Variants in DAPP1 observed in about 807,000 individuals in gnomAD.
DAPP1 encodes dual adaptor of phosphotyrosine and 3-phosphoinositides 1, also known as dual adapter for phosphotyrosine and 3-phosphotyrosine and 3-phosphoinositide.
In DAPP1, 20 loss-of-function variants were observed where a neutral mutation model predicts 41.5. The observed-to-expected ratio is 0.48, with a 90% CI of 0.34 to 0.70. DAPP1 has a LOEUF of 0.70. Among genes scored for constraint, DAPP1 ranks in the 30% least tolerant of loss-of-function variants. DAPP1 has a pLI of 0.01. For synonymous variants in DAPP1, 113 were observed against 116.2 expected (o/e 0.97, Z 0.18); for missense variants, 233 against 333.4 (o/e 0.70, Z 2.35).
intron 7 of DAPP1, chr4:99,865,831 T>G (rs1724402679): frequency 6.7e-6 from 1 of 148,398 alleles, no homozygotes; most frequent in Admixed American, 6.9e-5. Flanking sequence ...ATACCAGCAC[T>G]TCAAGGTACT....
intron 3 of DAPP1, among the ~76,000 whole-genome samples, chr4:99,850,991 T>G (rs555678865): frequency 6.6e-6 from 1 of 152,328 alleles, no homozygotes; most frequent in East Asian, 1.9e-4. Flanking sequence ...CCTGTTCCTC[T>G]GCCTGTGCAT....
intron 3 of DAPP1, 28 bp from the exon 4 acceptor site, chr4:99,853,190 C>T (rs372503686): frequency 1.8e-4 from 289 of 1,612,002 alleles, no homozygotes; most frequent in Non-Finnish European, 2.3e-4. Context: ...GAACACTGTT[C>T]GATTATATAT....
chr4:99,860,987 T>G (rs750074812), intron 4 of DAPP1, among the ~76,000 whole-genome samples: 1 of 152,224 alleles, frequency 6.6e-6, no homozygotes, highest in Non-Finnish European at 1.5e-5. Flanking sequence ...TATTTCAGAT[T>G]CATTTTGGGT....
chr4:99,830,154 C>T (rs1264919165), intron 1 of DAPP1, among the ~76,000 whole-genome samples: 1 of 152,028 alleles, frequency 6.6e-6, no homozygotes. Context: ...AGGCCAAGGC[C>T]GGGAGATGAC....
chr4:99,827,532 C>CAAAAA (rs1400029314), intron 1 of DAPP1, among the ~76,000 whole-genome samples: 2 of 119,002 alleles, frequency 1.7e-5, no homozygotes, highest in Non-Finnish European at 3.4e-5. Flanking sequence ...GACTACGTCT[C>CAAAAA]AAAAAAAAAA....
chr4:99,852,656 A>G (rs761521437), intron 3 of DAPP1, among the ~76,000 whole-genome samples: 4 of 152,244 alleles, frequency 2.6e-5, no homozygotes, highest in South Asian at 4.1e-4. Flanking sequence ...GGGTAGTATC[A>G]GAGAGTAGGG....
chr4:99,865,696 G>A (rs1247350915), intron 7 of DAPP1: 2 of 151,486 alleles, frequency 1.3e-5, no homozygotes, highest in Non-Finnish European at 2.9e-5. Context: ...ATCTAGGGGT[G>A]TCCTGAACAT....
intron 7 of DAPP1, chr4:99,865,045 C>T (rs1372340460): frequency 1.3e-5 from 2 of 152,104 alleles, no homozygotes; most frequent in Non-Finnish European, 2.9e-5. Context: ...TGACAGAAAC[C>T]AGTTTTCGAG....
chr4:99,861,673 A>C (rs530082678), intron 5 of DAPP1, 48 bp downstream of exon 5: 1 of 1,538,372 alleles, frequency 6.5e-7, no homozygotes, highest in Non-Finnish European at 8.8e-7. Context: ...AAAAGAGAAC[A>C]CGTCATGTAG....
chr4:99,830,925 T>C (rs1215006650), intron 1 of DAPP1, among the ~76,000 whole-genome samples: 5 of 152,244 alleles, frequency 3.3e-5, no homozygotes, highest in Non-Finnish European at 7.3e-5. Context: ...AGAAATTAGC[T>C]ATTTTCTTTT....
chr4:99,835,751 G>A lies in DAPP1; in HGVS notation c.224+6G>A. 6.2e-7 allele frequency: 1 copy of A among 1,613,612 alleles called. No individual in the cohort carries two copies. Among genetic ancestry groups the A allele is most frequent in the Non-Finnish European group, 8.5e-7 (1 of 1,179,694 alleles). ...CTGTACTCTCTCTCTGTGAGGTAAGGTGCTTCAGGGCTCTACGACTTCAGC... is the reference window on the plus strand; with the variant it reads ...CTGTACTCTCTCTCTGTGAGGTAAGATGCTTCAGGGCTCTACGACTTCAGC... On this transcript the variant is annotated splice_donor_region_variant and intron_variant, in intron 2 of 8. Coordinates refer to ENST00000512369, the MANE Select transcript of DAPP1 (RefSeq NM_014395.3).
At chr4:99,862,977 C>A in intron 5 of DAPP1, 33 bp from the exon 6 acceptor site, 1 of 1,505,168 alleles carries the variant, frequency 6.6e-7, no homozygotes, top group Non-Finnish European at 9.0e-7. Flanking sequence ...CTTTGTGTGT[C>A]TGTGTGTTTG....
rs1361155161 is a variant in DAPP1 at position 99,861,667 on chromosome 4, G to A, written c.537+42G>A. On this transcript the variant is annotated intron_variant, in intron 5 of 8. Transcript: ENST00000512369. ...TTGCTCATGCCAGCCACAGAAAAAA[G>A]AGAACACGTCATGTAGACTCAATTC... 7.1e-6 allele frequency: 11 copies of A among 1,550,180 alleles called. No individual in the cohort carries two copies. The East Asian group carries it at 2.6e-4, about 37-fold the overall frequency.
Position 99,823,629 on chromosome 4 carries a change from C to T in DAPP1, c.101+6615C>T, listed in dbSNP as rs567381594. On this transcript the variant is annotated intron_variant, in intron 1 of 8. Transcript: ENST00000512369. ...ATGGATATTTAGGTTGATCTAGATT[C>T]TGGAGGGCCTAAAATAGATTTGGTC... Among the ~76,000 whole-genome samples, 3 of 152,256 alleles carry T rather than the reference C, an allele frequency of 2.0e-5. No homozygotes were observed. The South Asian group carries it at 6.2e-4, about 32-fold the overall frequency.
intron 1 of DAPP1, among the ~76,000 whole-genome samples, chr4:99,828,156 C>A (rs1723004195): frequency 6.6e-6 from 1 of 152,194 alleles, no homozygotes; most frequent in South Asian, 2.1e-4. Context: ...TGTTGTTGTG[C>A]ATTTCTGACA....
chr4:99,819,802 G>A (rs2110131305), intron 1 of DAPP1, among the ~76,000 whole-genome samples: 1 of 152,126 alleles, frequency 6.6e-6, no homozygotes, highest in South Asian at 2.1e-4. Flanking sequence ...TACAGAAATA[G>A]CAGAAGTCTT....
At chr4:99,867,381 T>G (rs1036870399) in intron 8 of DAPP1, among the ~76,000 whole-genome samples, 1 of 152,198 alleles carries the variant, frequency 6.6e-6, no homozygotes, top group Non-Finnish European at 1.5e-5. Flanking sequence ...CTTCTCTCTT[T>G]ACACATAAAT....
chr4:99,818,837 G>A (rs1272093756), intron 1 of DAPP1, among the ~76,000 whole-genome samples: 2 of 152,328 alleles, frequency 1.3e-5, no homozygotes, highest in East Asian at 1.9e-4. Flanking sequence ...CCTTGGCTGT[G>A]CTCTGGAACA....
chr4:99,854,769 C>A (rs986833401), intron 4 of DAPP1, among the ~76,000 whole-genome samples: 4 of 152,164 alleles, frequency 2.6e-5, no homozygotes, highest in Non-Finnish European at 4.4e-5. Context: ...CTTTCTTCAC[C>A]CCCACTAGCT....
Sources: allele counts gnomAD v4.1 joint callset (sites outside exome capture counted in the v4.1 genomes callset), GRCh38; gene constraint gnomAD v4.1.1; transcripts MANE v1.5; gene names NCBI Gene and HGNC (gene_info 2026-07-23, HGNC 2026-07-21).